KIF1B: variants seen among roughly 807,000 people sequenced by gnomAD.
The protein encoded by KIF1B is kinesin family member 1B, also known as kinesin-like protein KIF1B.
In KIF1B, 76 loss-of-function variants were observed where a neutral mutation model predicts 241.9. The ratio of observed to expected loss-of-function variants is 0.31; its 90% CI spans 0.26 to 0.38. The LOEUF is 0.38. Among genes scored for constraint, KIF1B ranks in the 10% least tolerant of loss-of-function variants. The pLI is 1.00. For synonymous variants in KIF1B, 750 were observed against 796.7 expected (o/e 0.94, Z 0.99); for missense variants, 1,622 against 2,271.4 (o/e 0.71, Z 5.81).
At chr1:10,269,028 T>C (rs1648633501) in intron 7 of KIF1B, among the ~76,000 whole-genome samples, 1 of 152,212 alleles carries the variant, frequency 6.6e-6, no homozygotes. Flanking sequence ...AAATTTATGT[T>C]GAATACTACT....
intron 1 of KIF1B, among the ~76,000 whole-genome samples, chr1:10,217,088 C>CTCAGCCTCCCAAGTAGCTGGGAT (rs1452661044): frequency 2.7e-5 from 4 of 148,014 alleles, no homozygotes; most frequent in Non-Finnish European, 5.9e-5. Context: ...ATTCTCCTGC[C>CTCAGCCTCCCAAGTAGCTGGGAT]TCAGCCTCCC....
At chr1:10,255,359 A>G (rs1647714611) in intron 2 of KIF1B, among the ~76,000 whole-genome samples, 1 of 151,510 alleles carries the variant, frequency 6.6e-6, no homozygotes, top group Non-Finnish European at 1.5e-5. Flanking sequence ...GGAGGCGGAG[A>G]TGCGCAGATC....
chr1:10,315,396 G>A (rs1651260598), intron 22 of KIF1B, among the ~76,000 whole-genome samples: 1 of 150,590 alleles, frequency 6.6e-6, no homozygotes, highest in Non-Finnish European at 1.5e-5. Context: ...GGCTGGTCTT[G>A]AACTCCTGAC....
intron 2 of KIF1B, among the ~76,000 whole-genome samples, chr1:10,234,586 A>G (rs954025173): frequency 2.6e-5 from 4 of 151,154 alleles, no homozygotes; most frequent in Admixed American, 1.3e-4. Context: ...CAGTGGTGCA[A>G]TCATGGCTTA....
rs372035049 is a variant in KIF1B, at chr1:10,321,681, A to G, written c.2210-28A>G. ...ATTTTTATATAGTTGTAAGATTGCC[A>G]TTAAATATGCATCATTCATTCTTTC... On this transcript the variant is annotated intron_variant, in intron 23 of 48. Transcript: ENST00000676179. 1.7e-5 allele frequency: 28 copies of G among 1,612,230 alleles called. No homozygotes were observed. In the African/African-American group the frequency reaches 3.6e-4, roughly 21 times the overall value.
chr1:10,269,415 T>C (rs1337026320), intron 7 of KIF1B, among the ~76,000 whole-genome samples: 1 of 151,238 alleles, frequency 6.6e-6, no homozygotes, highest in Admixed American at 6.6e-5. Context: ...CTCAGGAGGC[T>C]GAGGCAGGAG....
intron 32 of KIF1B, 77 bp from the exon 33 acceptor site, chr1:10,341,973 A>G: frequency 2.0e-6 from 2 of 1,025,016 alleles, no homozygotes; most frequent in Non-Finnish European, 3.0e-6. Context: ...AAAAAACCCA[A>G]AATACGTACT....
intron 48 of KIF1B, 40 bp downstream of exon 48, chr1:10,375,413 G>C (rs1354667449): frequency 5.2e-6 from 8 of 1,531,134 alleles, no homozygotes; most frequent in South Asian, 1.1e-5. Flanking sequence ...TTTTGAGACG[G>C]AGTCTCACTT....
In KIF1B at chr1:10,210,723, T is replaced by A. The variant is rs1341588590; in HGVS notation, c.-235T>A. The A allele has an allele frequency of 1.3e-5, 2 of 150,936 alleles. No homozygotes were observed. Among genetic ancestry groups the A allele is most frequent in the Middle Eastern group, 3.4e-3 (1 of 292 alleles). 9.3% of individuals were successfully genotyped at this position (150,936 alleles called of 1,614,324 possible). ...CCGCCCACCTCCCACCTCGATGCGG[T>A]GCCGGGCTGCTGCGTGATGGGGCTG... On this transcript the variant is annotated 5_prime_UTR_variant, in exon 1 of 49. Transcript: ENST00000676179. The surrounding 1 kb of genome is among the most constrained non-coding windows in gnomAD (Gnocchi z 4.1).
chr1:10,280,840 A>G (rs748589797), intron 14 of KIF1B, among the ~76,000 whole-genome samples: 2 of 152,194 alleles, frequency 1.3e-5, no homozygotes, highest in Non-Finnish European at 2.9e-5. Flanking sequence ...AAGACCATGC[A>G]TGACTAAGTT....
intron 2 of KIF1B, among the ~76,000 whole-genome samples, chr1:10,242,602 C>T (rs758674430): frequency 1.3e-5 from 2 of 152,076 alleles, no homozygotes; most frequent in Non-Finnish European, 2.9e-5. Context: ...CTGCAACCTC[C>T]GCCTCCTGGG....
At position 10,374,386 on chromosome 1, in the gene KIF1B, G is replaced by A. The variant is rs779659071; in HGVS notation, c.5017G>A (p.Val1673Met). 10 of 1,614,046 alleles carry A rather than the reference G, an allele frequency of 6.2e-6. No homozygotes were observed. The highest frequency in any genetic ancestry group is 5.1e-6 in the Non-Finnish European group (6 of 1,180,014). The change falls in exon 46 of 49, where the codon GTG becomes ATG. Residue 1673 changes from valine (V) to methionine (M), a missense_variant. Physicochemically the swap from Val to Met is conservative, Grantham distance 21 (BLOSUM62 1). Coordinates refer to ENST00000676179, the MANE Select transcript of KIF1B (RefSeq NM_001365951.3). This position sits in a 1 kb window ranked among gnomAD's most constrained non-coding sequence, Gnocchi z 4.3. Reference sequence around the variant, plus strand: ...TGAACAGTTTCAGATTGTCCCAGCTGTGGAAACACCATATTTGGCCCGAGC... The same window carrying A: ...TGAACAGTTTCAGATTGTCCCAGCTATGGAAACACCATATTTGGCCCGAGC... ...EFEQFQIVPA[V>M]ETPYLARAGK... is the part of the protein sequence containing the mutation.
intron 27 of KIF1B, among the ~76,000 whole-genome samples, chr1:10,330,110 C>T (rs1459402145): frequency 6.6e-6 from 1 of 152,186 alleles, no homozygotes; most frequent in African/African-American, 2.4e-5. Context: ...CCATATTCCC[C>T]TCTCTCATCC....
intron 4 of KIF1B, among the ~76,000 whole-genome samples, chr1:10,259,532 T>C (rs1181920140): frequency 1.3e-5 from 2 of 150,766 alleles, no homozygotes; most frequent in African/African-American, 4.9e-5. Flanking sequence ...AGGTGGAGTC[T>C]CTCTCTGTTG....
chr1:10,234,796 G>A (rs1425534984), intron 2 of KIF1B, among the ~76,000 whole-genome samples: 6 of 151,640 alleles, frequency 4.0e-5, no homozygotes, highest in African/African-American at 1.5e-4. Context: ...TGTTGGGATT[G>A]CAGGTATGAG....
chr1:10,228,902 A>G (rs1416238236), intron 1 of KIF1B, among the ~76,000 whole-genome samples: 1 of 152,204 alleles, frequency 6.6e-6, no homozygotes, highest in Non-Finnish European at 1.5e-5. Context: ...GTAGTGACAA[A>G]GATGACTCCA....
In KIF1B at chr1:10,378,964, T is replaced by C. The variant is rs962238143; in HGVS notation, c.*2377T>C. 3.0e-5 allele frequency: 7 copies of C among 232,990 alleles called. No individual in the cohort carries two copies. The highest frequency in any genetic ancestry group is 5.1e-5 in the Non-Finnish European group (6 of 117,996). The allele number at this position is 232,990 out of a possible 1,614,324, so 14.4% of individuals were successfully genotyped here. ...CTAAGTGGTATGTGAGATTTTCTAA[T>C]GTAGTTAGAAGTTTCATTGTCTGAT... On this transcript the variant is annotated 3_prime_UTR_variant, in exon 49 of 49. Coordinates refer to ENST00000676179, the MANE Select transcript of KIF1B (RefSeq NM_001365951.3).
At chr1:10,244,555 G>A (rs1262237859) in intron 2 of KIF1B, among the ~76,000 whole-genome samples, 1 of 150,316 alleles carries the variant, frequency 6.7e-6, no homozygotes, top group African/African-American at 2.4e-5. Context: ...CAGGTGATCC[G>A]CCCGCCTCAG....
chr1:10,216,965 T>C (rs1194569593), intron 1 of KIF1B, among the ~76,000 whole-genome samples: 1 of 46,604 alleles, frequency 2.1e-5, no homozygotes, highest in Admixed American at 2.0e-4. Flanking sequence ...TTCTTTTTTT[T>C]TTTTTTTTTT....
Sources: gnomAD v4.1 joint callset for allele counts (sites outside exome capture counted in the v4.1 genomes callset) on GRCh38, gnomAD v4.1.1 for gene constraint, Gnocchi (gnomAD v3.1) non-coding constraint, MANE v1.5 for transcripts, NCBI Gene and HGNC (gene_info 2026-07-23, HGNC 2026-07-21) for gene names.